Variants in LUZP2 observed in about 807,000 individuals in gnomAD.
LUZP2 encodes leucine zipper protein 2.
A neutral mutation model predicts 51.6 loss-of-function variants in LUZP2; 52 were observed. That is an observed-to-expected ratio of 1.01 (90% confidence interval 0.81 to 1.27). The LOEUF (loss-of-function observed/expected upper bound fraction) is 1.27, where lower values mean the gene tolerates loss of function less well. Among genes scored for constraint, LUZP2 ranks in the 50% most tolerant of loss-of-function variants. LUZP2 has a pLI of 0.00. For missense variants in LUZP2, 436 were observed against 395.4 expected, an observed-to-expected ratio of 1.10 and a Z score of -0.87; for synonymous variants, 154 against 137.3, an observed-to-expected ratio of 1.12 and a Z score of -0.85.
At chr11:24,872,197 G>A (rs930403242) in intron 5 of LUZP2, among the ~76,000 whole-genome samples, 11 of 152,022 alleles carry the variant, frequency 7.2e-5, no homozygotes, top group African/African-American at 1.7e-4. Flanking sequence ...TATTCTTATC[G>A]GTGAATTTTT....
At chr11:24,669,516 G>T (rs529382881) in intron 1 of LUZP2, among the ~76,000 whole-genome samples, 2 of 152,022 alleles carry the variant, frequency 1.3e-5, no homozygotes, top group Non-Finnish European at 2.9e-5. Context: ...ACCATTAGAG[G>T]AAACTGCCAA....
At chr11:24,990,177 T>C (rs1046774859) in intron 9 of LUZP2, among the ~76,000 whole-genome samples, 9 of 152,092 alleles carry the variant, frequency 5.9e-5, no homozygotes, top group African/African-American at 1.9e-4. Context: ...CAAATTTTAC[T>C]ACCTTTTTCG....
chr11:24,720,860 C>T (rs1200563034), intron 1 of LUZP2, among the ~76,000 whole-genome samples: 1 of 152,106 alleles, frequency 6.6e-6, no homozygotes, highest in East Asian at 1.9e-4. Flanking sequence ...CCACCACGTC[C>T]GGCTAATTTT....
intron 1 of LUZP2, among the ~76,000 whole-genome samples, chr11:24,725,112 T>C (rs565086269): frequency 2.0e-5 from 3 of 152,208 alleles, no homozygotes; most frequent in Non-Finnish European, 1.5e-5. Flanking sequence ...ATGCTTATTC[T>C]AAAATTCATT....
intron 5 of LUZP2, among the ~76,000 whole-genome samples, chr11:24,865,066 A>G (rs1207269002): frequency 2.0e-5 from 3 of 152,322 alleles, no homozygotes; most frequent in East Asian, 3.9e-4. Flanking sequence ...AGACATGGTC[A>G]TGATGACTGC....
intron 7 of LUZP2, among the ~76,000 whole-genome samples, chr11:24,967,938 A>T (rs1855634985): frequency 6.6e-6 from 1 of 151,958 alleles, no homozygotes; most frequent in African/African-American, 2.4e-5. Flanking sequence ...TGCGATGGAG[A>T]TTGTGGTTGA....
At chr11:24,908,886 G>C (rs1853542987) in intron 6 of LUZP2, among the ~76,000 whole-genome samples, 1 of 151,452 alleles carries the variant, frequency 6.6e-6, no homozygotes, top group African/African-American at 2.4e-5. Context: ...CTCCTGAGTA[G>C]CTGGGACTAT....
intron 1 of LUZP2, among the ~76,000 whole-genome samples, chr11:24,589,090 C>A (rs1039023617): frequency 2.0e-5 from 3 of 152,086 alleles, no homozygotes; most frequent in African/African-American, 4.8e-5. Context: ...ATACCCCCAG[C>A]AATCTCAGAG....
At chr11:24,971,596 G>T (rs7127357) in intron 7 of LUZP2, among the ~76,000 whole-genome samples, 74,386 of 151,766 alleles carry the variant, frequency 0.49, 18,605 homozygotes, top group Non-Finnish European at 0.51. Context: ...ATATCCGCAT[G>T]TAACAAATCT....
rs569136989 is a variant in LUZP2, at chr11:24,743,048, C to G, written c.333+4746C>G. Among the ~76,000 whole-genome samples the G allele has an allele frequency of 3.8e-4, 58 of 152,154 alleles. 1 individual carries two copies. Among genetic ancestry groups the G allele is most frequent in the African/African-American group, 1.4e-3 (58 of 41,538 alleles). Reference sequence around the variant, plus strand: ...TGGGTTCACTATGATTTCCATTGGTCTATATGCCTATTTGTATACCAATAC... The same window carrying G: ...TGGGTTCACTATGATTTCCATTGGTGTATATGCCTATTTGTATACCAATAC... On this transcript the variant is annotated intron_variant, in intron 4 of 11. Coordinates refer to ENST00000336930, the MANE Select transcript of LUZP2 (RefSeq NM_001009909.4).
intron 9 of LUZP2, among the ~76,000 whole-genome samples, chr11:25,000,159 A>T (rs1006366311): frequency 2.0e-5 from 3 of 152,084 alleles, no homozygotes; most frequent in Non-Finnish European, 4.4e-5. Context: ...CAGAGTGCTG[A>T]TCGGTGTGTT....
At chr11:24,513,865 T>A (rs1202912869) in intron 1 of LUZP2, among the ~76,000 whole-genome samples, 1 of 152,206 alleles carries the variant, frequency 6.6e-6, no homozygotes, top group Non-Finnish European at 1.5e-5. Context: ...AAAGAAGTGA[T>A]GAAAAGTTGA....
At chr11:24,823,148 G>A (rs1229252970) in intron 5 of LUZP2, among the ~76,000 whole-genome samples, 1 of 152,160 alleles carries the variant, frequency 6.6e-6, no homozygotes, top group Non-Finnish European at 1.5e-5. Context: ...GTAAGGTTAT[G>A]TGATACACAA....
At chr11:24,782,990 A>G (rs56005193) in intron 5 of LUZP2, among the ~76,000 whole-genome samples, 5,451 of 152,078 alleles carry the variant, frequency 0.036, 196 homozygotes, top group African/African-American at 0.087. Flanking sequence ...GCCAGAAGAG[A>G]CTAGGGAATG....
chr11:24,842,661 C>T (rs1023135188), intron 5 of LUZP2, among the ~76,000 whole-genome samples: 2 of 151,828 alleles, frequency 1.3e-5, no homozygotes, highest in African/African-American at 4.8e-5. Context: ...GACGCAAATA[C>T]TTCTAAATTA....
chr11:24,965,259 A>T, intron 7 of LUZP2, among the ~76,000 whole-genome samples: 1 of 146,806 alleles, frequency 6.8e-6, no homozygotes, highest in East Asian at 2.0e-4. Context: ...CAAGTTTATG[A>T]ATTGCATACT....
At chr11:24,597,603 C>T (rs1226109382) in intron 1 of LUZP2, among the ~76,000 whole-genome samples, 1 of 152,148 alleles carries the variant, frequency 6.6e-6, no homozygotes, top group African/African-American at 2.4e-5. Flanking sequence ...ATTAGCTAAG[C>T]ATCAGACTCT....
At chr11:24,933,085 G>A (rs1652254689) in intron 7 of LUZP2, among the ~76,000 whole-genome samples, 1 of 152,280 alleles carries the variant, frequency 6.6e-6, no homozygotes, top group African/African-American at 2.4e-5. Flanking sequence ...TGATCTGGAC[G>A]TTCAGCTTCC....
chr11:24,653,099 G>C (rs761829460), intron 1 of LUZP2, among the ~76,000 whole-genome samples: 4 of 152,054 alleles, frequency 2.6e-5, no homozygotes, highest in Non-Finnish European at 5.9e-5. Context: ...ATTCTAAGAT[G>C]GTAAGCACTT....
Sources: gnomAD v4.1 joint callset for allele counts (sites outside exome capture counted in the v4.1 genomes callset) on GRCh38, gnomAD v4.1.1 for gene constraint, MANE v1.5 for transcripts, NCBI Gene and HGNC (gene_info 2026-07-23, HGNC 2026-07-21) for gene names.